Variants in MED13L observed in about 807,000 individuals in gnomAD.
The protein encoded by MED13L is mediator complex subunit 13L.
MED13L carries 7 observed loss-of-function variants against 220.9 expected under a neutral mutation model. The observed-to-expected ratio is 0.03, with a 90% CI of 0.02 to 0.06. MED13L has a LOEUF of 0.06. MED13L is among the 10% of genes least tolerant of loss of function. The probability of loss-of-function intolerance (pLI) is 1.00; values close to 1 mark genes in which losing one functional copy is unlikely to be tolerated. For synonymous variants in MED13L, 1,011 were observed against 1,015.2 expected, an observed-to-expected ratio of 1.00 and a Z score of 0.08; for missense variants, 1,965 against 2,760.5, an observed-to-expected ratio of 0.71 and a Z score of 6.46.
chr12:116,183,147 G>A (rs945527506), intron 2 of MED13L, among the ~76,000 whole-genome samples: 7 of 152,044 alleles, frequency 4.6e-5, no homozygotes, highest in African/African-American at 7.2e-5. Flanking sequence ...TGAAAACAAC[G>A]GGAGTCCAGA....
chr12:115,974,288 G>A (rs1876787263), intron 25 of MED13L, among the ~76,000 whole-genome samples: 2 of 152,170 alleles, frequency 1.3e-5, no homozygotes, highest in East Asian at 1.9e-4. Flanking sequence ...CTGCTCTAAT[G>A]TATTTGCACC....
At chr12:116,073,899 CTCTTT>C (rs995993939) in intron 4 of MED13L, among the ~76,000 whole-genome samples, 22 of 152,184 alleles carry the variant, frequency 1.4e-4, no homozygotes, top group African/African-American at 5.3e-4. Context: ...ATGAAATTAA[CTCTTT>C]TCAACGTAAG....
At chr12:116,183,204 G>A (rs1450972157) in intron 2 of MED13L, among the ~76,000 whole-genome samples, 1 of 152,074 alleles carries the variant, frequency 6.6e-6, no homozygotes, top group Non-Finnish European at 1.5e-5. Flanking sequence ...TAAAATACTG[G>A]GAAATAAATT....
chr12:116,234,203 A>T (rs1270415033), intron 2 of MED13L, among the ~76,000 whole-genome samples: 1 of 151,368 alleles, frequency 6.6e-6, no homozygotes, highest in Non-Finnish European at 1.5e-5. Flanking sequence ...TAAGCCAGCT[A>T]ACAGGATTCT....
chr12:116,225,616 A>G (rs183453156), intron 2 of MED13L, among the ~76,000 whole-genome samples: 12 of 152,324 alleles, frequency 7.9e-5, no homozygotes, highest in African/African-American at 2.2e-4. Context: ...TTTAACTGAG[A>G]GTATCGAAAT....
chr12:116,270,986 G>A (rs1468316224), intron 1 of MED13L, among the ~76,000 whole-genome samples: 36 of 140,910 alleles, frequency 2.6e-4, no homozygotes, highest in African/African-American at 8.8e-4. Flanking sequence ...AGGTTGCAGC[G>A]AGGCGACTTC....
chr12:116,203,459 G>A (rs1005283450), intron 2 of MED13L, among the ~76,000 whole-genome samples: 3 of 151,524 alleles, frequency 2.0e-5, no homozygotes, highest in African/African-American at 7.3e-5. Flanking sequence ...TAAAAAAACA[G>A]TCCAGTGCTA....
At chr12:116,027,281 G>A (rs1262600460) in intron 4 of MED13L, among the ~76,000 whole-genome samples, 1 of 152,040 alleles carries the variant, frequency 6.6e-6, no homozygotes, top group South Asian at 2.1e-4. Context: ...AAATTAGCTG[G>A]GTGTGGTGGC....
At chr12:116,254,819 T>C (rs1871894201) in intron 1 of MED13L, among the ~76,000 whole-genome samples, 1 of 152,186 alleles carries the variant, frequency 6.6e-6, no homozygotes, top group African/African-American at 2.4e-5. Flanking sequence ...AAAACACAAC[T>C]TACTTAGGAA....
At chr12:116,170,358 A>G (rs2138179802) in intron 2 of MED13L, among the ~76,000 whole-genome samples, 1 of 152,212 alleles carries the variant, frequency 6.6e-6, no homozygotes, top group African/African-American at 2.4e-5. Context: ...CTTACCATTC[A>G]TTTTGGAGAA....
chr12:116,253,152 C>A (rs1462561793), intron 1 of MED13L, among the ~76,000 whole-genome samples: 2 of 136,082 alleles, frequency 1.5e-5, no homozygotes, highest in African/African-American at 5.6e-5. Flanking sequence ...ATCCCAGCTA[C>A]TTGGGAGGCT....
rs141183053 is a variant in MED13L, at chr12:116,249,278, A to C, written c.73-11573T>G. Among the ~76,000 whole-genome samples, 202 of 152,344 alleles carry C rather than the reference A, an allele frequency of 1.3e-3. 1 individual carries two copies. Among genetic ancestry groups the C allele is most frequent in the African/African-American group, 4.6e-3 (193 of 41,586 alleles). On this transcript the variant is annotated intron_variant, in intron 1 of 30. Transcript: ENST00000281928. ...ATAAGGAGGAAACCAGTGCTAGCAT[A>C]AAGTCTATTCTAACCCAAGCTAATA...
intron 9 of MED13L, among the ~76,000 whole-genome samples, chr12:116,011,665 T>C (rs1879412395): frequency 6.6e-6 from 1 of 152,226 alleles, no homozygotes; most frequent in African/African-American, 2.4e-5. Context: ...ATTCACCTAC[T>C]AACACCAGAG....
At chr12:116,157,681 A>AG (rs1878551642) in intron 2 of MED13L, among the ~76,000 whole-genome samples, 1 of 152,254 alleles carries the variant, frequency 6.6e-6, no homozygotes, top group East Asian at 1.9e-4. Flanking sequence ...ACAAAGGTGA[A>AG]TACACCAGCA....
chr12:116,276,685 C>T, intron 1 of MED13L: 1 of 1,188,908 alleles, frequency 8.4e-7, no homozygotes, highest in Non-Finnish European at 1.1e-6. Flanking sequence ...GGCGCGGCAG[C>T]ACAAGGCAAA....
chr12:116,238,492 A>C (rs563200281), intron 1 of MED13L, among the ~76,000 whole-genome samples: 8 of 152,244 alleles, frequency 5.3e-5, no homozygotes, highest in Non-Finnish European at 1.0e-4. Flanking sequence ...GCGAAAGCTA[A>C]ATTTCTTAAA....
intron 2 of MED13L, among the ~76,000 whole-genome samples, chr12:116,220,693 T>C (rs1184665366): frequency 6.6e-6 from 1 of 152,210 alleles, no homozygotes; most frequent in Non-Finnish European, 1.5e-5. Flanking sequence ...AGCGAGACTC[T>C]GTCTCAAAAT....
chr12:116,032,128 T>C (rs1256440758), intron 4 of MED13L, among the ~76,000 whole-genome samples: 1 of 152,160 alleles, frequency 6.6e-6, no homozygotes, highest in Non-Finnish European at 1.5e-5. Context: ...TATAAAAGAA[T>C]ATATGAAGTC....
At chr12:116,102,710 CTTTTTTTTTTTT>C (rs869201518) in intron 3 of MED13L, among the ~76,000 whole-genome samples, 5 of 68,672 alleles carry the variant, frequency 7.3e-5, no homozygotes, top group East Asian at 5.2e-4. Context: ...TTTCTTTTTT[CTTTTTTTTTTTT>C]TTTTTTTTTT....
Sources: gnomAD v4.1 joint callset for allele counts (sites outside exome capture counted in the v4.1 genomes callset) on GRCh38, gnomAD v4.1.1 for gene constraint, MANE v1.5 for transcripts, NCBI Gene and HGNC (gene_info 2026-07-23, HGNC 2026-07-21) for gene names.